The following KIF3B variants were observed in gnomAD, a reference collection of about 807,000 sequenced individuals.
KIF3B encodes kinesin family member 3B.
A neutral mutation model predicts 74.3 loss-of-function variants in KIF3B; 38 were observed. The ratio of observed to expected loss-of-function variants is 0.51; its 90% CI spans 0.39 to 0.67. The LOEUF is 0.67. Among genes scored for constraint, KIF3B ranks in the 30% least tolerant of loss-of-function variants. The pLI, the probability that KIF3B is intolerant of heterozygous loss-of-function variation, is 0.00. For synonymous variants in KIF3B, 326 were observed against 342.5 expected, an observed-to-expected ratio of 0.95 and a Z score of 0.53; for missense variants, 649 against 932.0, an observed-to-expected ratio of 0.70 and a Z score of 3.95.
At chr20:32,280,115 T>C (rs898225830) in intron 1 of KIF3B, among the ~76,000 whole-genome samples, 7 of 152,222 alleles carry the variant, frequency 4.6e-5, no homozygotes, top group African/African-American at 1.4e-4. Context: ...ATAGGCCTTA[T>C]TACCTGTGGC....
chr20:32,305,764 A>G (rs1193895422), intron 1 of KIF3B, among the ~76,000 whole-genome samples: 1 of 148,116 alleles, frequency 6.8e-6, no homozygotes, highest in Non-Finnish European at 1.5e-5. Context: ...TTTTTTTTTT[A>G]GTACAGATGG....
At chr20:32,303,867 A>G (rs1244657005) in intron 1 of KIF3B, among the ~76,000 whole-genome samples, 1 of 151,964 alleles carries the variant, frequency 6.6e-6, no homozygotes, top group Non-Finnish European at 1.5e-5. Flanking sequence ...CAAAAAAAAA[A>G]AAAAAAAGAA....
At chr20:32,301,938 AAG>A (rs1458717744) in intron 1 of KIF3B, among the ~76,000 whole-genome samples, 1 of 152,236 alleles carries the variant, frequency 6.6e-6, no homozygotes, top group Non-Finnish European at 1.5e-5. Context: ...CAGCAGATAA[AAG>A]AGTTGAGGTT....
At position 32,326,867 on chromosome 20, in the gene KIF3B, T is replaced by G. The variant is rs1156240926; in HGVS notation, c.1845T>G (p.His615Gln). The G allele has an allele frequency of 1.3e-6, 2 of 1,540,170 alleles. No homozygotes were observed. The highest frequency in any genetic ancestry group is 1.8e-6 in the Non-Finnish European group (2 of 1,120,186). The change falls in exon 6 of 9, where the codon CAT becomes CAG. Residue 615 changes from histidine (H) to glutamine (Q), a missense_variant. Around this residue, in one of 4 missense-constraint regions of KIF3B, gnomAD observed 186 missense variants for 198.5 expected, o/e 0.94. Transcript: ENST00000375712. Reference protein sequence around the residue: ...FDEEEDHWKLHPITRLENQQM... With the variant: ...FDEEEDHWKLQPITRLENQQM... Reference sequence around the variant, plus strand: ...AAGAGGAAGATCATTGGAAACTACATCCTATAACCAGACTGGAGTAAGTCA... The same window carrying G: ...AAGAGGAAGATCATTGGAAACTACAGCCTATAACCAGACTGGAGTAAGTCA...
chr20:32,293,908 TAAGAC>T (rs2047704644), intron 1 of KIF3B, among the ~76,000 whole-genome samples: 1 of 152,208 alleles, frequency 6.6e-6, no homozygotes, highest in Non-Finnish European at 1.5e-5. Context: ...GGTTTTAAAA[TAAGAC>T]AAATCTGGTT....
At chr20:32,303,655 A>C (rs1034467414) in intron 1 of KIF3B, among the ~76,000 whole-genome samples, 2 of 151,800 alleles carry the variant, frequency 1.3e-5, no homozygotes, top group African/African-American at 4.8e-5. Context: ...ATCACCTGAG[A>C]TGAGGAGTTT....
At chr20:32,315,006 A>C (rs2047820158) in intron 2 of KIF3B, among the ~76,000 whole-genome samples, 1 of 152,058 alleles carries the variant, frequency 6.6e-6, no homozygotes, top group Non-Finnish European at 1.5e-5. Context: ...AGGCCGTCCC[A>C]AAGCCTTTGG....
intron 5 of KIF3B, 88 bp from the exon 6 acceptor site, chr20:32,326,683 C>T: frequency 1.5e-6 from 1 of 679,976 alleles, no homozygotes; most frequent in Non-Finnish European, 2.6e-6. Flanking sequence ...TTGACTCTTA[C>T]CTGATTACTC....
rs985199604 is a variant in KIF3B, at chr20:32,311,073, C to A, written c.1296C>A (p.His432Gln). 3.1e-6 allele frequency: 5 copies of A among 1,613,630 alleles called. No homozygotes were observed. The African/African-American group carries it at 6.7e-5, about 22-fold the overall frequency. ...AGAAGCGGGCCATTGTAGAGGATCA[C>A]AGCTTGGTTGCAGAGGAGAAGATGA... ...EIEKRAIVED[H>Q]SLVAEEKMRL... Residue 432 changes from histidine to glutamine, a missense_variant, in exon 2 of 9, where the codon CAC becomes CAA. Transcript: ENST00000375712.
chr20:32,299,202 A>C (rs563884351), intron 1 of KIF3B, among the ~76,000 whole-genome samples: 12 of 151,548 alleles, frequency 7.9e-5, no homozygotes, highest in Non-Finnish European at 1.8e-4. Flanking sequence ...ACTCAACTCT[A>C]TTCACCTCTA....
intron 4 of KIF3B, 28 bp from the exon 5 acceptor site, chr20:32,316,728 T>A: frequency 6.2e-7 from 1 of 1,612,982 alleles, no homozygotes; most frequent in Non-Finnish European, 8.5e-7. Flanking sequence ...ACAGACACCC[T>A]CCTCACCTGC....
chr20:32,289,109 A>C (rs964798298), intron 1 of KIF3B, among the ~76,000 whole-genome samples: 3 of 152,010 alleles, frequency 2.0e-5, no homozygotes, highest in Non-Finnish European at 4.4e-5. Flanking sequence ...ATTATGTTGA[A>C]TGTAGTGGTG....
At chr20:32,280,019 A>C (rs925829227) in intron 1 of KIF3B, among the ~76,000 whole-genome samples, 1 of 152,208 alleles carries the variant, frequency 6.6e-6, no homozygotes, top group African/African-American at 2.4e-5. Context: ...ACTTTTTGGT[A>C]AGGGGCTCTG....
intron 1 of KIF3B, among the ~76,000 whole-genome samples, chr20:32,298,015 G>C (rs189944370): frequency 1.3e-5 from 2 of 151,754 alleles, no homozygotes; most frequent in African/African-American, 4.9e-5. Context: ...GAGGCTAAGC[G>C]GGGAGAATCG....
At chr20:32,298,430 A>G (rs1290865194) in intron 1 of KIF3B, among the ~76,000 whole-genome samples, 3 of 152,248 alleles carry the variant, frequency 2.0e-5, no homozygotes, top group Non-Finnish European at 4.4e-5. Context: ...ACTCTATCTC[A>G]AAAAACAAAC....
intron 1 of KIF3B, among the ~76,000 whole-genome samples, chr20:32,282,104 ACT>A (rs1394086891): frequency 6.6e-6 from 1 of 152,100 alleles, no homozygotes; most frequent in African/African-American, 2.4e-5. Flanking sequence ...TAAAAAAATC[ACT>A]CTGGCCTCTT....
intron 7 of KIF3B, among the ~76,000 whole-genome samples, chr20:32,329,291 C>T (rs1017791788): frequency 6.6e-6 from 1 of 152,136 alleles, no homozygotes; most frequent in African/African-American, 2.4e-5. Context: ...GATCCACCCG[C>T]CTTAGCCTCC....
chr20:32,328,520 C>A (rs1034119152), intron 7 of KIF3B, among the ~76,000 whole-genome samples: 1 of 150,830 alleles, frequency 6.6e-6, no homozygotes, highest in East Asian at 2.0e-4. Context: ...GCAGGAGAAT[C>A]GCTTGAACCC....
chr20:32,326,867 TC>T lies in KIF3B; in HGVS notation c.1847del (p.Pro616LeufsTer2). 6.5e-7 allele frequency: 1 copy of T among 1,540,286 alleles called. No homozygotes were observed. The highest frequency in any genetic ancestry group is 8.9e-7 in the Non-Finnish European group (1 of 1,120,176). ...AAGAGGAAGATCATTGGAAACTACA[TC>T]CTATAACCAGACTGGAGTAAGTCAC... is the stretch of plus-strand genomic sequence containing the variant. ...DEEEDHWKLH[P>X]ITRLENQQMM... On this transcript the variant is annotated frameshift_variant, in exon 6 of 9. Coordinates refer to ENST00000375712, the MANE Select transcript of KIF3B (RefSeq NM_004798.4). LOFTEE classifies it high-confidence loss of function.
Sources: gnomAD v4.1 joint callset for allele counts (sites outside exome capture counted in the v4.1 genomes callset) on GRCh38, gnomAD v4.1.1 for gene constraint, gnomAD v4.1.1 regional missense constraint, MANE v1.5 for transcripts, NCBI Gene and HGNC (gene_info 2026-07-23, HGNC 2026-07-21) for gene names.